The following ADCY8 variants were observed in gnomAD, a reference collection of about 807,000 sequenced individuals.
The protein encoded by ADCY8 is adenylate cyclase type 8.
Under a neutral mutation model 119.7 loss-of-function variants are expected in ADCY8, and 51 were observed. The ratio of observed to expected loss-of-function variants is 0.43; its 90% CI spans 0.34 to 0.54. ADCY8 has a LOEUF of 0.54. ADCY8 is among the 20% of genes least tolerant of loss of function. The probability of loss-of-function intolerance (pLI) is 0.03; values close to 1 mark genes in which losing one functional copy is unlikely to be tolerated. For synonymous variants in ADCY8, 665 were observed against 651.0 expected, an observed-to-expected ratio of 1.02 and a Z score of -0.33; for missense variants, 1,383 against 1,598.8, an observed-to-expected ratio of 0.87 and a Z score of 2.30.
rs1361634097 is a variant in ADCY8, at chr8:130,884,773, G to T, written c.1912-12C>A. On this transcript the variant is annotated splice_polypyrimidine_tract_variant and intron_variant, in intron 7 of 17. Transcript: ENST00000286355. ...AGGGCAGCCAGAGTCTAGGGGGAAAGCACATGCAAACACAATAAACCTGCT... is the reference window on the plus strand; with the variant it reads ...AGGGCAGCCAGAGTCTAGGGGGAAATCACATGCAAACACAATAAACCTGCT... 3.1e-6 allele frequency: 5 copies of T among 1,613,310 alleles called. No individual in the cohort carries two copies. The highest frequency in any genetic ancestry group is 4.2e-6 in the Non-Finnish European group (5 of 1,179,468).
chr8:130,885,545 G>T (rs776857110), intron 7 of ADCY8, among the ~76,000 whole-genome samples: 3 of 152,102 alleles, frequency 2.0e-5, no homozygotes, highest in Admixed American at 1.3e-4. Flanking sequence ...ACCAGGTTTG[G>T]CAAGGAGACC....
chr8:130,908,205 C>T (rs7842857), intron 6 of ADCY8, among the ~76,000 whole-genome samples: 48,402 of 152,070 alleles, frequency 0.32, 8,997 homozygotes, highest in East Asian at 0.57. Flanking sequence ...ATCTTACAAA[C>T]CCCCAAAGCA....
At chr8:130,878,820 A>C (rs562715692) in intron 8 of ADCY8, among the ~76,000 whole-genome samples, 5 of 152,318 alleles carry the variant, frequency 3.3e-5, no homozygotes, top group African/African-American at 1.2e-4. Context: ...ATCAGCATTA[A>C]AAGAAGGAAG....
chr8:130,936,740 A>T (rs1820799016), intron 5 of ADCY8, among the ~76,000 whole-genome samples: 1 of 152,142 alleles, frequency 6.6e-6, no homozygotes, highest in South Asian at 2.1e-4. Flanking sequence ...TTTTTTATTC[A>T]TTCATTCATT....
At chr8:130,849,947 G>T (rs1343081089) in intron 9 of ADCY8, 144 bp from the exon 10 acceptor site, 2 of 838,636 alleles carry the variant, frequency 2.4e-6, no homozygotes, top group African/African-American at 3.5e-5. Context: ...TTATTAGCAG[G>T]AGAGATTTTT....
intron 2 of ADCY8, among the ~76,000 whole-genome samples, chr8:130,989,322 A>G (rs1822502154): frequency 6.6e-6 from 1 of 152,148 alleles, no homozygotes; most frequent in Admixed American, 6.6e-5. Context: ...TTAGAGTCAC[A>G]CGGACCTGGC....
intron 14 of ADCY8, among the ~76,000 whole-genome samples, chr8:130,811,165 C>T (rs1434314501): frequency 6.6e-6 from 1 of 152,126 alleles, no homozygotes; most frequent in African/African-American, 2.4e-5. Context: ...GGAGTCTCCG[C>T]ACCCAAGAGA....
At chr8:130,921,390 C>A (rs1283362389) in intron 5 of ADCY8, among the ~76,000 whole-genome samples, 1 of 151,438 alleles carries the variant, frequency 6.6e-6, no homozygotes, top group African/African-American at 2.4e-5. Flanking sequence ...ATTTTTCATG[C>A]CATTGAATAT....
At chr8:131,004,423 T>C (rs1037264069) in intron 1 of ADCY8, among the ~76,000 whole-genome samples, 1 of 152,218 alleles carries the variant, frequency 6.6e-6, no homozygotes, top group Non-Finnish European at 1.5e-5. Context: ...TCCTCATCTG[T>C]CTGACAATCA....
chr8:130,942,442 C>T (rs1476175918), intron 4 of ADCY8, among the ~76,000 whole-genome samples: 4 of 152,276 alleles, frequency 2.6e-5, no homozygotes, highest in Admixed American at 6.5e-5. Context: ...TAATGAATAC[C>T]TAACTAGACT....
intron 14 of ADCY8, among the ~76,000 whole-genome samples, chr8:130,813,810 T>TAC (rs899575731): frequency 6.6e-6 from 1 of 152,116 alleles, no homozygotes; most frequent in African/African-American, 2.4e-5. Flanking sequence ...TACATATATA[T>TAC]ACACACACAC....
intron 15 of ADCY8, among the ~76,000 whole-genome samples, chr8:130,789,159 T>C (rs1815346745): frequency 6.6e-6 from 1 of 152,240 alleles, no homozygotes; most frequent in Admixed American, 6.5e-5. Context: ...GTATATTTTA[T>C]ATGCAGGTTT....
At position 130,833,521 on chromosome 8, in the gene ADCY8, A is replaced by G. The variant is rs73716636; in HGVS notation, c.2675+2756T>C. 8.5e-3 allele frequency among the ~76,000 whole-genome samples: 1,300 copies of G among 152,304 alleles called. 24 individuals carry two copies. Among genetic ancestry groups the G allele is most frequent in the African/African-American group, 0.03 (1,234 of 41,566 alleles). ...TGGTATACGAACACAATGGAATACT[A>G]TTTAGCATTAAAACAGAAGGAAACC... On this transcript the variant is annotated intron_variant, in intron 12 of 17. Coordinates refer to ENST00000286355, the MANE Select transcript of ADCY8 (RefSeq NM_001115.3).
At chr8:130,963,118 T>C (rs1380198786) in intron 2 of ADCY8, among the ~76,000 whole-genome samples, 1 of 151,684 alleles carries the variant, frequency 6.6e-6, no homozygotes, top group African/African-American at 2.4e-5. Context: ...TCTTTCTTTT[T>C]TTTTTTTTTT....
At chr8:130,987,232 AT>A (rs1307706413) in intron 2 of ADCY8, among the ~76,000 whole-genome samples, 1 of 152,080 alleles carries the variant, frequency 6.6e-6, no homozygotes, top group African/African-American at 2.4e-5. Flanking sequence ...GCTGAATCCT[AT>A]TCACATGTCA....
intron 14 of ADCY8, among the ~76,000 whole-genome samples, chr8:130,812,002 A>G (rs1226281580): frequency 6.6e-6 from 1 of 152,120 alleles, no homozygotes; most frequent in African/African-American, 2.4e-5. Flanking sequence ...TGATTTTGTC[A>G]TTTCTCACCT....
chr8:130,955,276 C>T (rs1232208877), intron 2 of ADCY8, among the ~76,000 whole-genome samples: 2 of 152,072 alleles, frequency 1.3e-5, no homozygotes, highest in African/African-American at 4.8e-5. Flanking sequence ...CAACATAACT[C>T]CATGGCAGAA....
chr8:130,886,505 G>C (rs925434746), intron 7 of ADCY8, among the ~76,000 whole-genome samples: 3 of 152,110 alleles, frequency 2.0e-5, no homozygotes, highest in Non-Finnish European at 4.4e-5. Context: ...AAGCTGAACT[G>C]TCAGCCACTT....
intron 14 of ADCY8, among the ~76,000 whole-genome samples, chr8:130,810,952 G>C (rs1370122257): frequency 6.6e-6 from 1 of 150,800 alleles, no homozygotes; most frequent in Non-Finnish European, 1.5e-5. Flanking sequence ...TTAAAAAGCT[G>C]TTTTTTTTTC....
Sources: gnomAD v4.1 joint callset for allele counts (sites outside exome capture counted in the v4.1 genomes callset) on GRCh38, gnomAD v4.1.1 for gene constraint, MANE v1.5 for transcripts, NCBI Gene and HGNC (gene_info 2026-07-23, HGNC 2026-07-21) for gene names.